The following SLIT3 variants were observed in gnomAD, a reference collection of about 807,000 sequenced individuals.
SLIT3 encodes slit guidance ligand 3.
Under a neutral mutation model 184.0 loss-of-function variants are expected in SLIT3, and 68 were observed. The ratio of observed to expected loss-of-function variants is 0.37; its 90% CI spans 0.30 to 0.45. The LOEUF (loss-of-function observed/expected upper bound fraction) is 0.45. SLIT3 is among the 20% of genes least tolerant of loss of function. SLIT3 has a pLI of 1.00. For missense variants in SLIT3, 1,707 were observed against 2,026.0 expected (o/e 0.84, Z 3.02); for synonymous variants, 831 against 828.6 (o/e 1.00, Z -0.05).
At chr5:168,689,379 G>A (rs1761842474) in intron 29 of SLIT3, among the ~76,000 whole-genome samples, 2 of 152,198 alleles carry the variant, frequency 1.3e-5, no homozygotes, top group Non-Finnish European at 2.9e-5. Flanking sequence ...CTGCACAAGG[G>A]AGAGTAACCG....
At chr5:169,282,534 C>A (rs1767026822) in intron 1 of SLIT3, among the ~76,000 whole-genome samples, 1 of 152,168 alleles carries the variant, frequency 6.6e-6, no homozygotes, top group African/African-American at 2.4e-5. Flanking sequence ...GTTGAACTCG[C>A]CCTAGTTATT....
chr5:168,749,429 T>C, intron 19 of SLIT3, 43 bp downstream of exon 19: 1 of 1,610,976 alleles, frequency 6.2e-7, no homozygotes, highest in Non-Finnish European at 8.5e-7. Context: ...TTCCTTGCCT[T>C]CCCAGGGCCT....
intron 4 of SLIT3, among the ~76,000 whole-genome samples, chr5:169,019,213 T>C (rs1010770217): frequency 3.9e-5 from 6 of 152,216 alleles, no homozygotes; most frequent in African/African-American, 1.4e-4. Context: ...GTGCAAACAC[T>C]GTCCCTTCTC....
Position 168,666,324 on chromosome 5 carries a change from A to T in SLIT3, c.*130T>A. The T allele has an allele frequency of 1.2e-6, 1 of 827,662 alleles. No homozygotes were observed. Among genetic ancestry groups the T allele is most frequent in the Non-Finnish European group, 1.8e-6 (1 of 568,532 alleles). The allele number at this position is 827,662 out of a possible 1,614,324, so 51.3% of individuals were successfully genotyped here. ...TTTTTGTTTATTTTACAATATACTT[A>T]ATATTCTCTTCTTCTTTACCTTCCT... is the stretch of plus-strand genomic sequence containing the variant. On this transcript the variant is annotated 3_prime_UTR_variant, in exon 36 of 36. Coordinates refer to ENST00000519560, the MANE Select transcript of SLIT3 (RefSeq NM_003062.4).
chr5:168,762,742 C>T, intron 14 of SLIT3, 53 bp from the exon 15 acceptor site: 1 of 1,587,418 alleles, frequency 6.3e-7, no homozygotes, highest in South Asian at 1.1e-5. Context: ...CACGCACAGC[C>T]CCAGGTTGTG....
intron 4 of SLIT3, among the ~76,000 whole-genome samples, chr5:168,956,902 C>T (rs1400376901): frequency 6.6e-6 from 1 of 151,520 alleles, no homozygotes; most frequent in East Asian, 2.0e-4. Flanking sequence ...ATATTCTCTT[C>T]ACCTCAAGGC....
At chr5:169,166,244 A>G (rs184236396) in intron 4 of SLIT3, among the ~76,000 whole-genome samples, 1 of 152,266 alleles carries the variant, frequency 6.6e-6, no homozygotes. Context: ...GTTCTTGTTC[A>G]TGCTGGGCTA....
intron 4 of SLIT3, among the ~76,000 whole-genome samples, chr5:169,052,033 G>GGAC (rs1175047652): frequency 6.6e-6 from 1 of 152,040 alleles, no homozygotes; most frequent in Non-Finnish European, 1.5e-5. Context: ...TACAATAACC[G>GGAC]GACATCCCCA....
chr5:169,147,409 T>C (rs111349852), intron 4 of SLIT3, among the ~76,000 whole-genome samples: 4,466 of 152,256 alleles, frequency 0.029, 223 homozygotes, highest in African/African-American at 0.1. Context: ...GCTGTGACTA[T>C]GGGCACGTGC....
At chr5:169,000,129 G>A (rs889115466) in intron 4 of SLIT3, among the ~76,000 whole-genome samples, 6 of 151,958 alleles carry the variant, frequency 3.9e-5, no homozygotes, top group African/African-American at 1.2e-4. Context: ...GGCCGGGTGC[G>A]GTGGCTGTAA....
chr5:168,907,202 T>C (rs1049626830), intron 4 of SLIT3, among the ~76,000 whole-genome samples: 6 of 152,176 alleles, frequency 3.9e-5, no homozygotes, highest in Admixed American at 6.5e-5. Flanking sequence ...TAAGTCTCTG[T>C]GCTCCACAAG....
chr5:169,251,312 AG>A (rs1765766334), intron 2 of SLIT3, 75 bp downstream of exon 2: 2 of 984,778 alleles, frequency 2.0e-6, no homozygotes, highest in Admixed American at 1.7e-5. Flanking sequence ...GTGTGATGTC[AG>A]GGGCAGTGGA....
At chr5:169,118,130 A>G (rs1434573896) in intron 4 of SLIT3, among the ~76,000 whole-genome samples, 1 of 152,194 alleles carries the variant, frequency 6.6e-6, no homozygotes, top group Non-Finnish European at 1.5e-5. Flanking sequence ...CTGAGCTATG[A>G]TCACATTAAT....
At chr5:168,898,262 C>T (rs1281136231) in intron 4 of SLIT3, among the ~76,000 whole-genome samples, 1 of 152,102 alleles carries the variant, frequency 6.6e-6, no homozygotes, top group Non-Finnish European at 1.5e-5. Flanking sequence ...GGCACTCAAG[C>T]TGGGTATACA....
chr5:168,996,583 A>G (rs1304794184), intron 4 of SLIT3, among the ~76,000 whole-genome samples: 1 of 152,200 alleles, frequency 6.6e-6, no homozygotes, highest in Non-Finnish European at 1.5e-5. Context: ...GCCACAGTAA[A>G]TTCAGAAACA....
At chr5:168,873,132 T>C (rs112550348) in intron 5 of SLIT3, among the ~76,000 whole-genome samples, 1 of 152,016 alleles carries the variant, frequency 6.6e-6, no homozygotes, top group African/African-American at 2.4e-5. Context: ...AATCTCAGGG[T>C]TTTTCCCGGC....
At chr5:168,818,547 C>G (rs1757417550) in intron 7 of SLIT3, among the ~76,000 whole-genome samples, 1 of 152,236 alleles carries the variant, frequency 6.6e-6, no homozygotes, top group Admixed American at 6.5e-5. Flanking sequence ...TTCATCACGT[C>G]AGCTTGTCAT....
chr5:169,002,322 C>CA (rs397999882), intron 4 of SLIT3, among the ~76,000 whole-genome samples: 3,690 of 24,210 alleles, frequency 0.15, 1,185 homozygotes, highest in South Asian at 0.25. Context: ...GACTCTGTCT[C>CA]AAAAAAAAAA....
chr5:169,141,303 A>G (rs991681446), intron 4 of SLIT3, among the ~76,000 whole-genome samples: 1 of 152,238 alleles, frequency 6.6e-6, no homozygotes, highest in Non-Finnish European at 1.5e-5. Context: ...AATCCACTGC[A>G]ACAAAGCTGA....
Sources: allele counts gnomAD v4.1 joint callset (sites outside exome capture counted in the v4.1 genomes callset), GRCh38; gene constraint gnomAD v4.1.1; transcripts MANE v1.5; gene names NCBI Gene and HGNC (gene_info 2026-07-23, HGNC 2026-07-21).